The following SUCLG2 variants were observed in gnomAD, a reference collection of about 807,000 sequenced individuals.
The protein encoded by SUCLG2 is succinate-CoA ligase GDP-forming subunit beta.
In SUCLG2, 42 loss-of-function variants were observed where a neutral mutation model predicts 47.9. That is an observed-to-expected ratio of 0.88 (90% CI 0.69 to 1.14). SUCLG2 has a LOEUF of 1.14. Among genes scored for constraint, SUCLG2 ranks in the 50% most tolerant of loss-of-function variants. SUCLG2 has a pLI of 0.00. For missense variants in SUCLG2, 571 were observed against 525.9 expected (o/e 1.09, Z -0.84); for synonymous variants, 195 against 197.3 (o/e 0.99, Z 0.10).
chr3:67,443,948 C>A (rs1202976108), intron 9 of SUCLG2, among the ~76,000 whole-genome samples: 2 of 104,608 alleles, frequency 1.9e-5, no homozygotes, highest in African/African-American at 3.2e-5. Flanking sequence ...CCACCCCGTC[C>A]GGGAGGGAGG....
chr3:67,488,983 T>C (rs965578695), intron 9 of SUCLG2, among the ~76,000 whole-genome samples: 1 of 152,206 alleles, frequency 6.6e-6, no homozygotes, highest in Admixed American at 6.5e-5. Context: ...AAAACCTGGA[T>C]TTTGAAGACA....
intron 9 of SUCLG2, among the ~76,000 whole-genome samples, chr3:67,431,513 A>T (rs1264959811): frequency 6.6e-6 from 1 of 152,176 alleles, no homozygotes. Context: ...GATAGACTGG[A>T]TTAAGAAAAT....
chr3:67,525,722 G>A (rs1052977784), intron 4 of SUCLG2, among the ~76,000 whole-genome samples: 5 of 152,158 alleles, frequency 3.3e-5, no homozygotes, highest in Admixed American at 6.5e-5. Flanking sequence ...GTAGGGCAAC[G>A]TAAAGAGGAC....
At chr3:67,522,352 AG>A (rs1432379839) in intron 4 of SUCLG2, among the ~76,000 whole-genome samples, 1 of 151,918 alleles carries the variant, frequency 6.6e-6, no homozygotes, top group African/African-American at 2.4e-5. Context: ...GCCTGCTGAC[AG>A]ACATTTACAT....
At chr3:67,651,789 A>G (rs1235170241) in intron 1 of SUCLG2, among the ~76,000 whole-genome samples, 1 of 152,234 alleles carries the variant, frequency 6.6e-6, no homozygotes, top group African/African-American at 2.4e-5. Flanking sequence ...TATGCCAATC[A>G]AAAACACACC....
At chr3:67,640,614 T>C (rs1294733479) in intron 1 of SUCLG2, among the ~76,000 whole-genome samples, 2 of 152,184 alleles carry the variant, frequency 1.3e-5, no homozygotes, top group African/African-American at 4.8e-5. Flanking sequence ...TCGTTGAGCA[T>C]TCCATGGAAT....
At chr3:67,427,872 C>G (rs535349753) in intron 9 of SUCLG2, among the ~76,000 whole-genome samples, 1 of 152,230 alleles carries the variant, frequency 6.6e-6, no homozygotes, top group African/African-American at 2.4e-5. Flanking sequence ...ACTGCTACCA[C>G]AGCAGTCTGA....
intron 2 of SUCLG2, 136 bp from the exon 3 acceptor site, chr3:67,529,322 T>C (rs1428373916): frequency 4.6e-6 from 3 of 651,116 alleles, no homozygotes; most frequent in Non-Finnish European, 7.8e-6. Flanking sequence ...TGAAAATAAA[T>C]GCAATGAAGA....
chr3:67,613,994 GGGAGGT>G (rs2107320855), intron 1 of SUCLG2, among the ~76,000 whole-genome samples: 1 of 152,282 alleles, frequency 6.6e-6, no homozygotes, highest in Admixed American at 6.5e-5. Flanking sequence ...TTGGGAGGGA[GGGAGGT>G]GGAGATGTGA....
rs141159581 is a variant in SUCLG2 at position 67,575,040 on chromosome 3, A to G, written c.226+34415T>C. ...CCTACTACAGTAGTTAAAATTAAAG[A>G]GACAGAAAACAACAAAAGTTAGTGA... is the stretch of plus-strand genomic sequence containing the variant. On this transcript the variant is annotated intron_variant, in intron 2 of 10. Transcript: ENST00000307227. Among the ~76,000 whole-genome samples, 296 of 152,334 alleles carry G rather than the reference A, an allele frequency of 1.9e-3. 4 individuals carry two copies. The East Asian group carries it at 0.036, about 18-fold the overall frequency.
chr3:67,498,424 G>A, intron 7 of SUCLG2, 129 bp from the exon 8 acceptor site: 2 of 1,016,410 alleles, frequency 2.0e-6, no homozygotes, highest in African/African-American at 1.6e-5. Context: ...TTACAGGCAG[G>A]AGAGGCTGCT....
chr3:67,625,610 C>G (rs745857855), intron 1 of SUCLG2, among the ~76,000 whole-genome samples: 2 of 152,188 alleles, frequency 1.3e-5, no homozygotes, highest in Non-Finnish European at 2.9e-5. Flanking sequence ...AAATTGATCT[C>G]TGAAGCTCCT....
chr3:67,375,378 T>C lies in SUCLG2; in HGVS notation c.*366A>G, dbSNP rs558658577. ...AATGGTCTGTTTTTCTTTTTCATTA[T>C]GTAGGATTAGATGCCCACCAAAATT... On this transcript the variant is annotated 3_prime_UTR_variant, in exon 11 of 11. Transcript: ENST00000307227. 2.2e-4 allele frequency: 214 copies of C among 990,958 alleles called. No individual in the cohort carries two copies. Among genetic ancestry groups the C allele is most frequent in the Non-Finnish European group, 2.4e-4 (202 of 833,608 alleles). 61.4% of individuals were successfully genotyped at this position (990,958 alleles called of 1,614,324 possible).
intron 2 of SUCLG2, among the ~76,000 whole-genome samples, chr3:67,556,155 G>C (rs969964107): frequency 5.3e-5 from 8 of 152,178 alleles, no homozygotes; most frequent in Admixed American, 2.0e-4. Flanking sequence ...GAGTAGAAGA[G>C]ATCCAATAGA....
chr3:67,384,953 C>G (rs1293198234), intron 10 of SUCLG2, among the ~76,000 whole-genome samples: 1 of 152,214 alleles, frequency 6.6e-6, no homozygotes, highest in Non-Finnish European at 1.5e-5. Flanking sequence ...AGTTCTGCCT[C>G]AGGACAGCCT....
At position 67,400,768 on chromosome 3, in the gene SUCLG2, C is replaced by T. The variant is rs1702664994; in HGVS notation, c.1146G>A (p.Glu382=). 3.1e-6 allele frequency: 5 copies of T among 1,611,814 alleles called. No homozygotes were observed. Among genetic ancestry groups the T allele is most frequent in the Admixed American group, 1.7e-5 (1 of 59,742 alleles). The part of the protein sequence containing the change: ...IANGITKACR[E]LELKVPLVVR... ...CCACCAGGGGCACCTTGAGTTCTAG[C>T]TCCCGGCAGGCTTTGGTGATCCCAT... is the stretch of plus-strand genomic sequence containing the variant. The change falls in exon 10 of 11, where the codon GAG becomes GAA. Residue 382 remains glutamate, a synonymous_variant. Transcript: ENST00000307227.
chr3:67,610,194 C>T (rs9309845), intron 1 of SUCLG2, among the ~76,000 whole-genome samples: 74,094 of 151,984 alleles, frequency 0.49, 18,984 homozygotes, highest in African/African-American at 0.64. Flanking sequence ...TTCTTTACCA[C>T]AGTTTTTAAC....
At chr3:67,651,170 C>T (rs1559613357) in intron 1 of SUCLG2, among the ~76,000 whole-genome samples, 2 of 152,106 alleles carry the variant, frequency 1.3e-5, no homozygotes, top group African/African-American at 4.8e-5. Context: ...TAACAGGGGG[C>T]GTGTACAGTA....
intron 2 of SUCLG2, among the ~76,000 whole-genome samples, chr3:67,574,960 T>C (rs868238396): frequency 1.3e-5 from 2 of 152,338 alleles, no homozygotes; most frequent in South Asian, 2.1e-4. Flanking sequence ...GATATTCAAC[T>C]GCATTAGTCA....
Sources: gnomAD v4.1 joint callset for allele counts (sites outside exome capture counted in the v4.1 genomes callset) on GRCh38, gnomAD v4.1.1 for gene constraint, MANE v1.5 for transcripts, NCBI Gene and HGNC (gene_info 2026-07-23, HGNC 2026-07-21) for gene names.